FAM193A: variants seen among roughly 807,000 people sequenced by gnomAD.
FAM193A encodes the protein family with sequence similarity 193 member A.
In FAM193A, 22 loss-of-function variants were observed where a neutral mutation model predicts 126.5. The observed-to-expected ratio is 0.17, with a 90% CI of 0.12 to 0.25. The LOEUF is 0.25. Ranked by LOEUF, FAM193A falls within the 10% of genes least tolerant of loss-of-function variation. The pLI, the probability that FAM193A is intolerant of heterozygous loss-of-function variation, is 1.00. For synonymous variants in FAM193A, 761 were observed against 646.8 expected, an observed-to-expected ratio of 1.18 and a Z score of -2.68; for missense variants, 1,675 against 1,672.8, an observed-to-expected ratio of 1.00 and a Z score of -0.02.
At chr4:2,603,393 T>C (rs1267222290) in intron 2 of FAM193A, among the ~76,000 whole-genome samples, 1 of 150,546 alleles carries the variant, frequency 6.6e-6, no homozygotes, top group Non-Finnish European at 1.5e-5. Context: ...CAAGCCATTC[T>C]CCTTCCTCAG....
In FAM193A at chr4:2,612,431, G is replaced by T. The variant is rs564466459; in HGVS notation, c.502-12831G>T. 8.5e-5 allele frequency among the ~76,000 whole-genome samples: 13 copies of T among 152,136 alleles called. No homozygotes were observed. The East Asian group carries it at 2.5e-3, about 30-fold the overall frequency. On this transcript the variant is annotated intron_variant, in intron 2 of 20. Coordinates refer to ENST00000637812, the MANE Select transcript of FAM193A (RefSeq NM_001366318.2). ...GGAGAATCACTTGAACCCAGGAGGT[G>T]GAGGTTGCAGTGAGCCGAGATTGCA... is the stretch of plus-strand genomic sequence containing the variant.
chr4:2,637,611 CACTG>C (rs1378560248), intron 5 of FAM193A, among the ~76,000 whole-genome samples: 5 of 152,202 alleles, frequency 3.3e-5, no homozygotes, highest in African/African-American at 1.2e-4. Flanking sequence ...GCCCTTAGGT[CACTG>C]ACAAGCCTTT....
intron 2 of FAM193A, among the ~76,000 whole-genome samples, chr4:2,620,716 G>T (rs1471230965): frequency 1.3e-5 from 2 of 151,050 alleles, no homozygotes; most frequent in Non-Finnish European, 3.0e-5. Flanking sequence ...AGGGGTGGTG[G>T]TGGGCTCCCG....
At chr4:2,547,539 C>T (rs1314047257) in intron 1 of FAM193A, among the ~76,000 whole-genome samples, 1 of 150,242 alleles carries the variant, frequency 6.7e-6, no homozygotes. Context: ...CGTGAGCCAC[C>T]GCACCCAGCC....
rs769761662 is a variant in FAM193A, at chr4:2,552,533, CTTTCT to C, written c.255+15377_255+15381del. ...ATCCCACAAATTTTGGTATGTTGAA[CTTTCT>C]TTTCTTTTCTTTTTTTTTGAGACGG... On this transcript the variant is annotated intron_variant, in intron 1 of 20. Transcript: ENST00000637812. Among the ~76,000 whole-genome samples the C allele has an allele frequency of 2.7e-3, 404 of 152,068 alleles. 3 individuals are homozygous for C. The highest frequency in any genetic ancestry group is 4.5e-3 in the Non-Finnish European group (307 of 67,992).
intron 2 of FAM193A, among the ~76,000 whole-genome samples, chr4:2,619,205 CCT>C: frequency 6.6e-6 from 1 of 152,060 alleles, no homozygotes; most frequent in East Asian, 1.9e-4. Context: ...GTTTATTTTT[CCT>C]CTGTTTCTTG....
At chr4:2,568,189 T>A (rs1342342639) in intron 1 of FAM193A, among the ~76,000 whole-genome samples, 1 of 152,228 alleles carries the variant, frequency 6.6e-6, no homozygotes, top group African/African-American at 2.4e-5. Context: ...TTGGATATTT[T>A]AAAAAATATG....
At chr4:2,711,734 A>C (rs1718999994) in intron 19 of FAM193A, among the ~76,000 whole-genome samples, 1 of 151,744 alleles carries the variant, frequency 6.6e-6, no homozygotes. Context: ...AGATCACTTG[A>C]GGTCAGGAGT....
At chr4:2,696,181 C>A (rs527840928) in intron 17 of FAM193A, 182 bp from the exon 18 acceptor site, 1 of 539,134 alleles carries the variant, frequency 1.9e-6, no homozygotes. Flanking sequence ...TATCAAAATG[C>A]CACTTTTGGG....
At chr4:2,581,211 G>GT (rs140263905) in intron 1 of FAM193A, among the ~76,000 whole-genome samples, 39,342 of 147,646 alleles carry the variant, frequency 0.27, 5,651 homozygotes, top group Middle Eastern at 0.4. Flanking sequence ...TCTAGGTTTT[G>GT]TTCTGATACC....
Position 2,549,600 on chromosome 4 carries a change from T to G in FAM193A, c.255+12430T>G, listed in dbSNP as rs573174801. On this transcript the variant is annotated intron_variant, in intron 1 of 20. Coordinates refer to ENST00000637812, the MANE Select transcript of FAM193A (RefSeq NM_001366318.2). The stretch of plus-strand genomic sequence containing the variant: ...TTTAGTAGAGACGGGGTTTCACCGT[T>G]TTAGCCAGGATGGTCTCGATCTCCT... 7.6e-3 allele frequency among the ~76,000 whole-genome samples: 1,141 copies of G among 150,502 alleles called. 6 individuals are homozygous for G. Among genetic ancestry groups the G allele is most frequent in the Non-Finnish European group, 0.013 (858 of 67,520 alleles).
intron 7 of FAM193A, among the ~76,000 whole-genome samples, chr4:2,649,420 C>G (rs923585158): frequency 1.3e-5 from 2 of 149,062 alleles, no homozygotes; most frequent in Non-Finnish European, 3.0e-5. Flanking sequence ...CACCTGTATT[C>G]CTAGCACTTT....
chr4:2,586,946 C>T (rs1577042698), intron 1 of FAM193A, among the ~76,000 whole-genome samples: 1 of 152,188 alleles, frequency 6.6e-6, no homozygotes, highest in African/African-American at 2.4e-5. Context: ...AGCTGCCATG[C>T]TCAGCCTAGT....
In FAM193A at chr4:2,633,138, C is replaced by T. The variant is rs139105624; in HGVS notation, c.1038+1969C>T. ...TGAGGCCGGGTGCGGTGGCTCACGC[C>T]TGTAATTCCAGCACTTTGGGAGGCC... On this transcript the variant is annotated intron_variant, in intron 5 of 20. Coordinates refer to ENST00000637812, the MANE Select transcript of FAM193A (RefSeq NM_001366318.2). 4.2e-3 allele frequency among the ~76,000 whole-genome samples: 644 copies of T among 152,298 alleles called. 1 individual carries two copies. Among genetic ancestry groups the T allele is most frequent in the African/African-American group, 0.015 (620 of 41,554 alleles).
In FAM193A at chr4:2,699,727, C is replaced by T. The variant is rs371493191; in HGVS notation, c.3555C>T (p.His1185=). 16 of 1,613,466 alleles carry T rather than the reference C, an allele frequency of 9.9e-6. No homozygotes were observed. Among genetic ancestry groups the T allele is most frequent in the African/African-American group, 5.3e-5 (4 of 74,790 alleles). ...RLEAEARARE[H]LHLQEEQRRR... ...AAGCAGAGGCCAGGGCCCGGGAGCA[C>T]CTGCACCTCCAGGAGGAGCAGAGGC... Residue 1185 remains histidine (H), a synonymous_variant, in exon 19 of 21, where the codon CAC becomes CAT. Coordinates refer to ENST00000637812, the MANE Select transcript of FAM193A (RefSeq NM_001366318.2).
chr4:2,709,169 G>A (rs569357968), intron 19 of FAM193A, among the ~76,000 whole-genome samples: 8 of 152,202 alleles, frequency 5.3e-5, no homozygotes, highest in Middle Eastern at 3.4e-3. Flanking sequence ...TAACCATGAT[G>A]TTTCTCCTTA....
chr4:2,694,875 C>G, intron 16 of FAM193A, 71 bp from the exon 17 acceptor site: 1 of 1,337,082 alleles, frequency 7.5e-7, no homozygotes, highest in Non-Finnish European at 1.0e-6. Context: ...AGTGGGTGGT[C>G]ATGTGCAACA....
intron 19 of FAM193A, among the ~76,000 whole-genome samples, chr4:2,710,854 T>TC (rs1425840312): frequency 6.9e-6 from 1 of 144,434 alleles, no homozygotes; most frequent in East Asian, 2.0e-4. Context: ...GTGCTTTCTT[T>TC]TTTTTTTTTT....
intron 1 of FAM193A, among the ~76,000 whole-genome samples, chr4:2,540,395 G>A (rs1578552921): frequency 6.6e-6 from 1 of 152,324 alleles, no homozygotes; most frequent in African/African-American, 2.4e-5. Flanking sequence ...GTGAACCTGG[G>A]AGGCGGAGCT....
Sources: gnomAD v4.1 joint callset for allele counts (sites outside exome capture counted in the v4.1 genomes callset) on GRCh38, gnomAD v4.1.1 for gene constraint, MANE v1.5 for transcripts, NCBI Gene and HGNC (gene_info 2026-07-23, HGNC 2026-07-21) for gene names.